ADAM23: variants seen among roughly 807,000 people sequenced by gnomAD.
ADAM23 encodes the protein disintegrin and metalloproteinase domain-containing protein 23.
In ADAM23, 33 loss-of-function variants were observed where a neutral mutation model predicts 120.1. That is an observed-to-expected ratio of 0.27 (90% CI 0.21 to 0.37). The LOEUF (loss-of-function observed/expected upper bound fraction) is 0.37, where lower values mean the gene tolerates loss of function less well. ADAM23 is among the 10% of genes least tolerant of loss of function. The probability of loss-of-function intolerance (pLI) is 1.00; values close to 1 mark genes in which losing one functional copy is unlikely to be tolerated. For synonymous variants in ADAM23, 367 were observed against 375.2 expected, an observed-to-expected ratio of 0.98 and a Z score of 0.25; for missense variants, 862 against 1,058.2, an observed-to-expected ratio of 0.81 and a Z score of 2.57.
chr2:206,460,096 T>C (rs1248183781), intron 2 of ADAM23, among the ~76,000 whole-genome samples: 1 of 142,378 alleles, frequency 7.0e-6, no homozygotes, highest in Non-Finnish European at 1.5e-5. Flanking sequence ...TCCCATCTAC[T>C]CAGAATGACT....
rs576441401 is a variant in ADAM23 at position 206,512,615 on chromosome 2, C to T, written c.510-18270C>T. On this transcript the variant is annotated intron_variant, in intron 3 of 25. Coordinates refer to ENST00000264377, the MANE Select transcript of ADAM23 (RefSeq NM_003812.4). ...TGTTCTAAATAGTCTAACAATGTAA[C>T]GTATTGTCTTTGATGAAAAAATAGA... is the stretch of plus-strand genomic sequence containing the variant. 1.5e-3 allele frequency among the ~76,000 whole-genome samples: 231 copies of T among 152,164 alleles called. 1 individual carries two copies. Among genetic ancestry groups the T allele is most frequent in the Non-Finnish European group, 1.3e-3 (90 of 68,010 alleles).
chr2:206,469,536 C>G (rs1401319311), intron 2 of ADAM23, among the ~76,000 whole-genome samples: 1 of 152,168 alleles, frequency 6.6e-6, no homozygotes, highest in Non-Finnish European at 1.5e-5. Flanking sequence ...TCTCCCTTGC[C>G]CTCTGACCAC....
rs115047054 is a variant in ADAM23, at chr2:206,551,450, G to A, written c.933+1290G>A. ...AAAGTACTTGTTTTATCAAAACAAA[G>A]TTGCACTTCTGAAAAGACTTTATAT... On this transcript the variant is annotated intron_variant, in intron 9 of 25. Transcript: ENST00000264377. Among the ~76,000 whole-genome samples the A allele has an allele frequency of 3.3e-3, 507 of 152,254 alleles. 3 individuals are homozygous for A. Among genetic ancestry groups the A allele is most frequent in the African/African-American group, 0.011 (476 of 41,554 alleles).
intron 3 of ADAM23, among the ~76,000 whole-genome samples, chr2:206,514,144 CTTA>C (rs1350557189): frequency 6.6e-6 from 1 of 152,120 alleles, no homozygotes; most frequent in Non-Finnish European, 1.5e-5. Context: ...ACTTTCAAGT[CTTA>C]TTATTTCAGA....
chr2:206,540,647 T>C (rs1420447042), intron 4 of ADAM23, among the ~76,000 whole-genome samples: 1 of 152,110 alleles, frequency 6.6e-6, no homozygotes, highest in Non-Finnish European at 1.5e-5. Flanking sequence ...GAGCTTTTCA[T>C]GCTCTGCTAA....
chr2:206,459,879 C>G (rs1404739096), intron 2 of ADAM23, among the ~76,000 whole-genome samples: 1 of 152,174 alleles, frequency 6.6e-6, no homozygotes, highest in Admixed American at 6.5e-5. Flanking sequence ...AAAAAACTAT[C>G]CAGAGATCCA....
At chr2:206,562,381 C>T in intron 13 of ADAM23, 88 bp downstream of exon 13, 1 of 962,200 alleles carries the variant, frequency 1.0e-6, no homozygotes, top group South Asian at 1.7e-5. Context: ...TTTTTCATTC[C>T]AGTCATTATA....
rs79153245 is a variant in ADAM23, at chr2:206,463,644, G to C, written c.433-17588G>C. On this transcript the variant is annotated intron_variant, in intron 2 of 25. Transcript: ENST00000264377. The stretch of plus-strand genomic sequence containing the variant: ...TGGGGCCGAAAAGGAAGGTTTAGGA[G>C]GCTGACAGGAAACTGAGCCTGTTCA... 1.7e-3 allele frequency among the ~76,000 whole-genome samples: 255 copies of C among 152,330 alleles called. 4 individuals carry two copies. The East Asian group carries it at 0.04, about 24-fold the overall frequency.
At chr2:206,581,039 C>G (rs1442621095) in intron 18 of ADAM23, among the ~76,000 whole-genome samples, 1 of 152,026 alleles carries the variant, frequency 6.6e-6, no homozygotes, top group Non-Finnish European at 1.5e-5. Context: ...CTTTTGATTT[C>G]AGTGGTGTCA....
chr2:206,486,149 A>T (rs563041727), intron 3 of ADAM23, among the ~76,000 whole-genome samples: 5 of 152,272 alleles, frequency 3.3e-5, no homozygotes, highest in Admixed American at 2.0e-4. Context: ...GTAAGCATGG[A>T]AGAGACATGG....
chr2:206,542,040 C>T lies in ADAM23; in HGVS notation c.574-12C>T, dbSNP rs1338261812. 1 of 1,613,442 alleles carries T rather than the reference C, an allele frequency of 6.2e-7. No individual in the cohort carries two copies. The highest frequency in any genetic ancestry group is 8.5e-7 in the Non-Finnish European group (1 of 1,179,566). Reference sequence around the variant, plus strand: ...CATAAAATACAACCAATCAATGAAACCTGCTTTCCAGGGTGGAGAGCACTG... The same window carrying T: ...CATAAAATACAACCAATCAATGAAATCTGCTTTCCAGGGTGGAGAGCACTG... On this transcript the variant is annotated splice_polypyrimidine_tract_variant and intron_variant, in intron 4 of 25. Coordinates refer to ENST00000264377, the MANE Select transcript of ADAM23 (RefSeq NM_003812.4).
At chr2:206,575,771 C>T (rs1489198871) in intron 18 of ADAM23, among the ~76,000 whole-genome samples, 2 of 152,074 alleles carry the variant, frequency 1.3e-5, no homozygotes, top group Non-Finnish European at 2.9e-5. Context: ...ATGGAAAATG[C>T]ATGGTTTATG....
intron 2 of ADAM23, among the ~76,000 whole-genome samples, chr2:206,468,939 G>A (rs1695597440): frequency 6.6e-6 from 1 of 152,204 alleles, no homozygotes; most frequent in Non-Finnish European, 1.5e-5. Flanking sequence ...CAGAACAGGA[G>A]GAAGAGAGAT....
intron 2 of ADAM23, among the ~76,000 whole-genome samples, chr2:206,447,128 C>T (rs563118115): frequency 6.6e-6 from 1 of 152,278 alleles, no homozygotes; most frequent in East Asian, 1.9e-4. Flanking sequence ...ATGACTAATG[C>T]TTGCCTTATA....
chr2:206,596,899 CTTTTTTTT>C (rs144070768), intron 24 of ADAM23, among the ~76,000 whole-genome samples: 9 of 82,930 alleles, frequency 1.1e-4, no homozygotes, highest in African/African-American at 4.5e-4. Flanking sequence ...ATTATATCAT[CTTTTTTTT>C]TTTTTTTTTT....
intron 11 of ADAM23, 36 bp from the exon 12 acceptor site, chr2:206,561,092 C>T (rs1697755164): frequency 6.3e-7 from 1 of 1,583,138 alleles, no homozygotes; most frequent in Non-Finnish European, 8.7e-7. Flanking sequence ...GATGGTCCAC[C>T]ACGTTGGTTT....
In ADAM23 at chr2:206,443,908, G is replaced by A. The variant is rs967036788; in HGVS notation, c.42G>A (p.Ala14=). 4 of 1,199,900 alleles carry A rather than the reference G, an allele frequency of 3.3e-6. No homozygotes were observed. The highest frequency in any genetic ancestry group is 3.2e-5 in the African/African-American group (2 of 62,404). The allele number at this position is 1,199,900 out of a possible 1,614,324, so 74.3% of individuals were successfully genotyped here. Residue 14 remains alanine, a synonymous_variant, in exon 1 of 26, where the codon GCG becomes GCA. Coordinates refer to ENST00000264377, the MANE Select transcript of ADAM23 (RefSeq NM_003812.4). The part of the protein sequence containing the change: ...PGSSSRQPPL[A]GCSLAGASCG... ...GCAGCTCGCGGCAGCCGCCCCTGGC[G>A]GGCTGCAGCCTTGCCGGCGCTTCCT...
intron 24 of ADAM23, among the ~76,000 whole-genome samples, chr2:206,608,238 G>A (rs1032090437): frequency 6.6e-6 from 1 of 152,192 alleles, no homozygotes; most frequent in African/African-American, 2.4e-5. Flanking sequence ...ATATGTAAAT[G>A]AATGTGCATG....
chr2:206,455,054 C>T (rs1695269012), intron 2 of ADAM23, among the ~76,000 whole-genome samples: 1 of 152,256 alleles, frequency 6.6e-6, no homozygotes, highest in African/African-American at 2.4e-5. Context: ...TATGGAAGCT[C>T]CAACCAAACA....
Sources: gnomAD v4.1 joint callset for allele counts (sites outside exome capture counted in the v4.1 genomes callset) on GRCh38, gnomAD v4.1.1 for gene constraint, MANE v1.5 for transcripts, NCBI Gene and HGNC (gene_info 2026-07-23, HGNC 2026-07-21) for gene names.